Variants in ZNF829 observed in about 807,000 individuals in gnomAD.
The protein encoded by ZNF829 is zinc finger protein 829.
A neutral mutation model predicts 35.2 loss-of-function variants in ZNF829; 25 were observed. The ratio of observed to expected loss-of-function variants is 0.71; its 90% CI spans 0.52 to 0.99. The LOEUF is 0.99. Ranked by LOEUF, ZNF829 falls within the 50% of genes least tolerant of loss-of-function variation. ZNF829 has a pLI of 0.00. For missense variants in ZNF829, 417 were observed against 515.3 expected, an observed-to-expected ratio of 0.81 and a Z score of 1.85; for synonymous variants, 136 against 163.2, an observed-to-expected ratio of 0.83 and a Z score of 1.27.
chr19:36,905,914 T>C, intron 5 of ZNF829: 1 of 152,200 alleles, frequency 6.6e-6, no homozygotes, highest in East Asian at 1.9e-4. Context: ...TAGGAATACC[T>C]GATTTATGAC....
intron 5 of ZNF829, among the ~76,000 whole-genome samples, chr19:36,903,767 T>C (rs923660717): frequency 6.6e-6 from 1 of 151,656 alleles, no homozygotes; most frequent in Non-Finnish European, 1.5e-5. Flanking sequence ...GGCAGGTGCC[T>C]CTAATCCCAG....
chr19:36,911,119 C>T (rs971679952), intron 3 of ZNF829, among the ~76,000 whole-genome samples: 1 of 152,094 alleles, frequency 6.6e-6, no homozygotes, highest in Non-Finnish European at 1.5e-5. Context: ...AGGAGAGTTA[C>T]GGGAACCTCT....
chr19:36,907,930 T>C lies in ZNF829; in HGVS notation c.318A>G (p.Ser106=), dbSNP rs1165831391. The change falls in exon 5 of 6, where the codon TCA becomes TCG. Residue 106 remains serine (S), a splice_region_variant and synonymous_variant. Transcript: ENST00000391711. ...VDRELTRGLC[S]DLESMCETKI... ...CCTGAGCCATCATCTCTTACTTACC[T>C]GAACACAGGCCTCTAGTCAGCTCTC... is the stretch of plus-strand genomic sequence containing the variant. 1.2e-6 allele frequency: 2 copies of C among 1,613,324 alleles called. No homozygotes were observed. The highest frequency in any genetic ancestry group is 1.7e-6 in the Non-Finnish European group (2 of 1,179,498).
chr19:36,915,027 A>C lies in ZNF829; in HGVS notation c.39-5T>G. 6.2e-7 allele frequency: 1 copy of C among 1,614,160 alleles called. No homozygotes were observed. The stretch of plus-strand genomic sequence containing the variant: ...TCCTCCTCTTCTGGGTGACACCTGG[A>C]GAAAGGTAAAATTGGGAGAGGGAAG... On this transcript the variant is annotated splice_polypyrimidine_tract_variant and splice_region_variant and intron_variant, in intron 2 of 5. Coordinates refer to ENST00000391711, the MANE Select transcript of ZNF829 (RefSeq NM_001037232.4).
intron 3 of ZNF829, among the ~76,000 whole-genome samples, chr19:36,910,715 A>G (rs2073256917): frequency 6.6e-6 from 1 of 152,102 alleles, no homozygotes. Flanking sequence ...TTGTAATAAA[A>G]CTATAATCAG....
At position 36,891,974 on chromosome 19, in the gene ZNF829, A is replaced by G. The variant is rs2146223668; in HGVS notation, c.817T>C (p.Cys273Arg). The G allele has an allele frequency of 6.2e-7, 1 of 1,613,902 alleles. No homozygotes were observed. The highest frequency in any genetic ancestry group is 2.2e-5 in the East Asian group (1 of 44,844). ...TGEKPYECKVCGKAFTKSSQL... is the reference protein window; with the variant it reads ...TGEKPYECKVRGKAFTKSSQL... The stretch of plus-strand genomic sequence containing the variant: ...GAACTTTTAGTAAAGGCTTTTCCAC[A>G]TACTTTACATTCATAGGGTTTCTCA... Residue 273 changes from cysteine (C) to arginine (R), a missense_variant, in exon 6 of 6, where the codon TGT becomes CGT. Transcript: ENST00000391711.
chr19:36,892,827 A>C (rs1473386537), intron 5 of ZNF829: 3 of 898,946 alleles, frequency 3.3e-6, no homozygotes, highest in East Asian at 3.3e-5. Flanking sequence ...GATCCCCCAC[A>C]GGCGCTGCCT....
rs59122318 is a variant in ZNF829 at position 36,891,128 on chromosome 19, C to G, written c.*364G>C. On this transcript the variant is annotated 3_prime_UTR_variant, in exon 6 of 6. Coordinates refer to ENST00000391711, the MANE Select transcript of ZNF829 (RefSeq NM_001037232.4). ...AAAAGACATACACAGAGATACACAG[C>G]GAGAATGCAATGTGAAGATGGAGGC... The G allele has an allele frequency of 0.063, 11,059 of 176,368 alleles. 925 individuals are homozygous for G. Among genetic ancestry groups the G allele is most frequent in the African/African-American group, 0.2 (8,330 of 42,266 alleles). The allele number at this position is 176,368 out of a possible 1,614,324, so 10.9% of individuals were successfully genotyped here. A position where few individuals can be genotyped will look rare whatever the true frequency, so the allele number is the denominator to read the frequency against.
Position 36,891,320 on chromosome 19 carries a change from AT to A in ZNF829, c.*171del. ...CAGGCTCTAAACTATGAGAGAATAA[AT>A]TTCTCTTGTTTTAAGCCACCAAGGT... is the stretch of plus-strand genomic sequence containing the variant. On this transcript the variant is annotated 3_prime_UTR_variant, in exon 6 of 6. Transcript: ENST00000391711. The A allele has an allele frequency of 1.7e-6, 1 of 603,920 alleles. No individual in the cohort carries two copies. The highest frequency in any genetic ancestry group is 2.6e-6 in the Non-Finnish European group (1 of 378,280). 37.4% of individuals were successfully genotyped at this position (603,920 alleles called of 1,614,324 possible). A position where few individuals can be genotyped will look rare whatever the true frequency, so the allele number is the denominator to read the frequency against.
chr19:36,915,325 A>AT (rs1175588780), intron 1 of ZNF829, 74 bp from the exon 2 acceptor site: 3 of 1,500,408 alleles, frequency 2.0e-6, no homozygotes, highest in Non-Finnish European at 8.9e-7. Flanking sequence ...TGCCACATAC[A>AT]TTTAGGGACA....
rs1368680416 is a variant in ZNF829 at position 36,890,352 on chromosome 19, C to T, written c.*1140G>A. The T allele has an allele frequency of 1.3e-5, 2 of 152,126 alleles. No individual in the cohort carries two copies. The allele number at this position is 152,126 out of a possible 1,614,324, so 9.4% of individuals were successfully genotyped here. A position where few individuals can be genotyped will look rare whatever the true frequency, so the allele number is the denominator to read the frequency against. On this transcript the variant is annotated 3_prime_UTR_variant, in exon 6 of 6. Coordinates refer to ENST00000391711, the MANE Select transcript of ZNF829 (RefSeq NM_001037232.4). ...GTCCCAGTGATCTGTCTAGTGCTGT[C>T]AATGGAGTGGTGAAGTCCCCTGCTA...
intron 5 of ZNF829, among the ~76,000 whole-genome samples, chr19:36,905,121 A>G (rs2073204900): frequency 6.6e-6 from 1 of 152,014 alleles, no homozygotes; most frequent in Admixed American, 6.6e-5. Context: ...CCACTTCCAT[A>G]TTTTTTGACT....
chr19:36,912,117 G>C (rs2073269463), intron 3 of ZNF829, among the ~76,000 whole-genome samples: 1 of 152,076 alleles, frequency 6.6e-6, no homozygotes, highest in African/African-American at 2.4e-5. Flanking sequence ...AGGAGAAATA[G>C]AAGCTCAGGG....
intron 5 of ZNF829, among the ~76,000 whole-genome samples, chr19:36,895,524 C>T (rs1263281520): frequency 1.3e-5 from 2 of 152,008 alleles, no homozygotes; most frequent in Non-Finnish European, 2.9e-5. Flanking sequence ...TAATAATAAC[C>T]TTGAATGTAA....
intron 5 of ZNF829, chr19:36,901,983 C>A: frequency 1.4e-6 from 1 of 733,304 alleles, no homozygotes; most frequent in Admixed American, 1.8e-5. Flanking sequence ...AGGAATGTCC[C>A]ATAACGAATC....
chr19:36,912,529 C>A (rs2073272915), intron 3 of ZNF829, among the ~76,000 whole-genome samples: 1 of 152,040 alleles, frequency 6.6e-6, no homozygotes, highest in Non-Finnish European at 1.5e-5. Context: ...TAATTTTTAA[C>A]CTAATTTTTT....
At chr19:36,896,695 T>C (rs540812414) in intron 5 of ZNF829, among the ~76,000 whole-genome samples, 1 of 152,254 alleles carries the variant, frequency 6.6e-6, no homozygotes, top group Non-Finnish European at 1.5e-5. Context: ...ACATGGAACA[T>C]CCTCCAGGAA....
chr19:36,915,218 G>A lies in ZNF829; in HGVS notation c.-51C>T. 1 of 1,614,064 alleles carries A rather than the reference G, an allele frequency of 6.2e-7. No individual in the cohort carries two copies. The highest frequency in any genetic ancestry group is 1.1e-5 in the South Asian group (1 of 91,068). ...GAAAGGTTGTGTTCACTGCTGTCCA[G>A]GGTTGGAATCTGACCAGACCTCAGA... On this transcript the variant is annotated 5_prime_UTR_variant, in exon 2 of 6. Coordinates refer to ENST00000391711, the MANE Select transcript of ZNF829 (RefSeq NM_001037232.4).
chr19:36,898,466 A>G (rs2073132565), intron 5 of ZNF829, among the ~76,000 whole-genome samples: 1 of 152,222 alleles, frequency 6.6e-6, no homozygotes, highest in Non-Finnish European at 1.5e-5. Flanking sequence ...ATTCAATGCA[A>G]TCCCGACTGA....
Sources: gnomAD v4.1 joint callset for allele counts (sites outside exome capture counted in the v4.1 genomes callset) on GRCh38, gnomAD v4.1.1 for gene constraint, MANE v1.5 for transcripts, NCBI Gene and HGNC (gene_info 2026-07-23, HGNC 2026-07-21) for gene names.